The following RBFOX1 variants were observed in gnomAD, a reference collection of about 807,000 sequenced individuals.
RBFOX1 encodes the protein RNA binding protein fox-1 homolog 1.
A neutral mutation model predicts 57.7 loss-of-function variants in RBFOX1; 8 were observed. That is an observed-to-expected ratio of 0.14 (90% CI 0.08 to 0.25). The LOEUF is 0.25. Ranked by LOEUF, RBFOX1 falls within the 10% of genes least tolerant of loss-of-function variation. RBFOX1 has a pLI of 1.00. For missense variants in RBFOX1, 611 were observed against 548.5 expected, an observed-to-expected ratio of 1.11 and a Z score of -1.14; for synonymous variants, 326 against 222.4, an observed-to-expected ratio of 1.47 and a Z score of -4.15.
intron 4 of RBFOX1, among the ~76,000 whole-genome samples, chr16:7,302,942 C>G (rs13333318): frequency 0.034 from 5,199 of 152,004 alleles, 198 homozygotes; most frequent in African/African-American, 0.088. Context: ...GCTGGACAGG[C>G]AAGAATAAAA....
intron 1 of RBFOX1, among the ~76,000 whole-genome samples, chr16:6,191,086 C>G (rs1443942351): frequency 6.7e-6 from 1 of 150,192 alleles, no homozygotes; most frequent in Non-Finnish European, 1.5e-5. Context: ...CCTGAAGCAT[C>G]TTCTAGACAG....
chr16:7,102,120 C>T (rs1183547552), intron 4 of RBFOX1, among the ~76,000 whole-genome samples: 1 of 151,958 alleles, frequency 6.6e-6, no homozygotes, highest in African/African-American at 2.4e-5. Context: ...ATGGTCCTGC[C>T]TGTGCCTACT....
chr16:6,362,165 C>G (rs147955970), intron 2 of RBFOX1, among the ~76,000 whole-genome samples: 1 of 152,054 alleles, frequency 6.6e-6, no homozygotes, highest in African/African-American at 2.4e-5. Flanking sequence ...AAAACAAGTC[C>G]TGCCCACCCC....
At chr16:6,069,398 C>CAAAAA (rs34337622) in intron 1 of RBFOX1, among the ~76,000 whole-genome samples, 1 of 113,942 alleles carries the variant, frequency 8.8e-6, no homozygotes, top group Non-Finnish European at 1.8e-5. Flanking sequence ...AACTCTGCCT[C>CAAAAA]AAAAAAAAAA....
At chr16:6,403,054 C>G (rs1246732575) in intron 2 of RBFOX1, among the ~76,000 whole-genome samples, 1 of 152,018 alleles carries the variant, frequency 6.6e-6, no homozygotes, top group African/African-American at 2.4e-5. Flanking sequence ...GGCTTGGGTG[C>G]TGAGAGAGTC....
At chr16:6,916,060 C>T (rs981444629) in intron 3 of RBFOX1, among the ~76,000 whole-genome samples, 8 of 152,124 alleles carry the variant, frequency 5.3e-5, no homozygotes, top group African/African-American at 1.7e-4. Context: ...CACACTGCTA[C>T]TCCCCAGACC....
chr16:5,322,247 G>T (rs1012271269), intron 1 of RBFOX1, among the ~76,000 whole-genome samples: 13 of 152,150 alleles, frequency 8.5e-5, no homozygotes. Context: ...GCAATAGAAA[G>T]CTTTTAAGTA....
intron 1 of RBFOX1, among the ~76,000 whole-genome samples, chr16:6,205,949 G>A (rs2097252773): frequency 7.1e-6 from 1 of 141,020 alleles, no homozygotes; most frequent in South Asian, 2.2e-4. Context: ...GCACCTGAAA[G>A]TCACAGGCTT....
chr16:6,034,100 C>T (rs1484249415), intron 1 of RBFOX1, among the ~76,000 whole-genome samples: 3 of 151,908 alleles, frequency 2.0e-5, no homozygotes, highest in East Asian at 1.9e-4. Context: ...TTTGGGAGGC[C>T]GAGGTGGGCG....
chr16:6,528,287 A>G (rs1598955838), intron 2 of RBFOX1, among the ~76,000 whole-genome samples: 1 of 152,230 alleles, frequency 6.6e-6, no homozygotes, highest in African/African-American at 2.4e-5. Flanking sequence ...CTCAGAGACA[A>G]TTAGACTTCC....
At chr16:5,355,074 T>C (rs2065353607) in intron 1 of RBFOX1, among the ~76,000 whole-genome samples, 1 of 150,616 alleles carries the variant, frequency 6.6e-6, no homozygotes, top group South Asian at 2.1e-4. Flanking sequence ...AAGAGAGAAA[T>C]AAGAGAGAAT....
chr16:6,583,497 A>C (rs2097565747), intron 2 of RBFOX1, among the ~76,000 whole-genome samples: 1 of 152,242 alleles, frequency 6.6e-6, no homozygotes, highest in Non-Finnish European at 1.5e-5. Context: ...GGAGGAAATA[A>C]CTAGAACTTT....
At chr16:5,644,811 T>C (rs892006357) in intron 3 of RBFOX1, among the ~76,000 whole-genome samples, 1 of 152,246 alleles carries the variant, frequency 6.6e-6, no homozygotes, top group Admixed American at 6.5e-5. Context: ...TTGGGTTATT[T>C]GTACTTTTTG....
intron 14 of RBFOX1, 124 bp downstream of exon 14, chr16:7,676,962 T>C: frequency 1.1e-6 from 1 of 935,886 alleles, no homozygotes; most frequent in East Asian, 2.5e-5. Context: ...CCCCAAAAGT[T>C]AGGTCCCATG....
intron 3 of RBFOX1, among the ~76,000 whole-genome samples, chr16:7,027,939 G>C (rs1321836819): frequency 6.6e-6 from 1 of 151,000 alleles, no homozygotes; most frequent in African/African-American, 2.4e-5. Context: ...AGGAAGGAGG[G>C]AGAGAAGGGG....
intron 4 of RBFOX1, among the ~76,000 whole-genome samples, chr16:7,364,593 A>C (rs532196075): frequency 2.6e-5 from 4 of 151,520 alleles, no homozygotes; most frequent in Admixed American, 6.6e-5. Context: ...AAAAAAACAA[A>C]AAAAAAAAAC....
chr16:6,764,972 A>G (rs996734872), intron 3 of RBFOX1, among the ~76,000 whole-genome samples: 1 of 152,006 alleles, frequency 6.6e-6, no homozygotes, highest in Non-Finnish European at 1.5e-5. Flanking sequence ...GAGTAAATTA[A>G]TGGGATATTG....
At chr16:7,255,810 C>G (rs747943823) in intron 4 of RBFOX1, among the ~76,000 whole-genome samples, 1 of 151,960 alleles carries the variant, frequency 6.6e-6, no homozygotes, top group Non-Finnish European at 1.5e-5. Context: ...TGTGCTAAAT[C>G]TTCAATGTAC....
intron 4 of RBFOX1, among the ~76,000 whole-genome samples, chr16:5,955,893 C>G (rs181586709): frequency 6.6e-6 from 1 of 152,132 alleles, no homozygotes. Flanking sequence ...GTCCAATGCT[C>G]AAATAGCAAA....
Sources: gnomAD v4.1 joint callset for allele counts (sites outside exome capture counted in the v4.1 genomes callset) on GRCh38, gnomAD v4.1.1 for gene constraint, MANE v1.5 for transcripts, NCBI Gene and HGNC (gene_info 2026-07-23, HGNC 2026-07-21) for gene names.